The following MAIP1 variants were observed in gnomAD, a reference collection of about 807,000 sequenced individuals.
The protein encoded by MAIP1 is matrix AAA peptidase interacting protein 1.
MAIP1 carries 28 observed loss-of-function variants against 31.2 expected under a neutral mutation model. That is an observed-to-expected ratio of 0.90 (90% confidence interval 0.67 to 1.23). The LOEUF (loss-of-function observed/expected upper bound fraction) is 1.23, where lower values mean the gene tolerates loss of function less well. Ranked by LOEUF, MAIP1 falls within the 50% of genes most tolerant of loss-of-function variation. The probability of loss-of-function intolerance (pLI) is 0.00; values close to 1 mark genes in which losing one functional copy is unlikely to be tolerated. For missense variants in MAIP1, 339 were observed against 356.0 expected (o/e 0.95, Z 0.38); for synonymous variants, 142 against 142.3 (o/e 1.00, Z 0.02).
chr2:199,956,014 G>T lies in MAIP1; in HGVS notation c.216G>T (p.Arg72=). ...CGGCGCTACCTGCCCAGGGCTCCCGGTGGCCAGTGCTCAGCAGCCCGGGAC... is the reference window on the plus strand; with the variant it reads ...CGGCGCTACCTGCCCAGGGCTCCCGTTGGCCAGTGCTCAGCAGCCCGGGAC... ...AASALPAQGS[R]WPVLSSPGLP... is the part of the protein sequence containing the mutation. The change falls in exon 1 of 5, where the codon CGG becomes CGT. Residue 72 remains arginine, a synonymous_variant. Coordinates refer to ENST00000392290, the MANE Select transcript of MAIP1 (RefSeq NM_001394955.1). 1 of 1,610,294 alleles carries T rather than the reference G, an allele frequency of 6.2e-7. No homozygotes were observed. The highest frequency in any genetic ancestry group is 8.5e-7 in the Non-Finnish European group (1 of 1,178,240).
rs1354637267 is a variant in MAIP1 at position 199,955,751 on chromosome 2, T to A, written c.-48T>A. The A allele has an allele frequency of 1.3e-6, 2 of 1,491,210 alleles. No homozygotes were observed. The highest frequency in any genetic ancestry group is 2.3e-5 in the Admixed American group (1 of 43,884). The allele number at this position is 1,491,210 out of a possible 1,614,324, so 92.4% of individuals were successfully genotyped here. ...ACCGCTGAGGCGGTTTCCCACCGAC[T>A]TCCTTTCCATACAGCACCGGCAGGC... On this transcript the variant is annotated 5_prime_UTR_variant, in exon 1 of 5. Transcript: ENST00000392290.
chr2:199,955,510 C>T (rs759075149), upstream of MAIP1: 3 of 1,605,806 alleles, frequency 1.9e-6, no homozygotes, highest in Non-Finnish European at 1.7e-6. Flanking sequence ...TTCGGAACTT[C>T]GGCTCTAAAG....
chr2:199,958,045 G>T lies in MAIP1; in HGVS notation c.451-1223G>T, dbSNP rs141873250. On this transcript the variant is annotated intron_variant, in intron 1 of 4. Transcript: ENST00000392290. ...GTTAGCTATTTTCACCTCCTTCCTT[G>T]CTATTAAGCAGTATTTCCACCCCAT... is the stretch of plus-strand genomic sequence containing the variant. Among the ~76,000 whole-genome samples, 4 of 152,250 alleles carry T rather than the reference G, an allele frequency of 2.6e-5. No individual in the cohort carries two copies. In the East Asian group the frequency reaches 7.7e-4, roughly 29 times the overall value.
chr2:199,963,589 T>A, intron 4 of MAIP1, 144 bp from the exon 5 acceptor site: 2 of 462,034 alleles, frequency 4.3e-6, no homozygotes, highest in Non-Finnish European at 7.7e-6. Context: ...TAGGTTAAAC[T>A]TTTTTTTGTT....
In MAIP1 at chr2:199,955,657, G is replaced by A. The variant is rs948395118; in HGVS notation, c.-142G>A. 2 of 1,114,980 alleles carry A rather than the reference G, an allele frequency of 1.8e-6. No homozygotes were observed. The highest frequency in any genetic ancestry group is 2.5e-6 in the Non-Finnish European group (2 of 801,650). The allele number at this position is 1,114,980 out of a possible 1,614,324, so 69.1% of individuals were successfully genotyped here. On this transcript the variant is annotated 5_prime_UTR_variant, in exon 1 of 5. Transcript: ENST00000392290. ...CGGCCTGGGCTGCGTGCTGGAGAGC[G>A]GGGACGGGGCCGACTCACCAGAGGC...
At chr2:199,963,235 T>G (rs1418263006) in intron 4 of MAIP1, among the ~76,000 whole-genome samples, 1 of 152,174 alleles carries the variant, frequency 6.6e-6, no homozygotes, top group Non-Finnish European at 1.5e-5. Flanking sequence ...TTCATAAACA[T>G]TGTTATTTTC....
intron 1 of MAIP1, among the ~76,000 whole-genome samples, chr2:199,957,348 C>A (rs572715764): frequency 6.6e-6 from 1 of 152,182 alleles, no homozygotes; most frequent in Admixed American, 6.5e-5. Flanking sequence ...ACCAAGATTG[C>A]GCCACTGCAC....
chr2:199,958,677 TCA>T (rs1417255613), intron 1 of MAIP1, among the ~76,000 whole-genome samples: 1 of 152,206 alleles, frequency 6.6e-6, no homozygotes, highest in Admixed American at 6.5e-5. Flanking sequence ...GGATCTTAAC[TCA>T]CAGTTTGCTT....
At position 199,959,636 on chromosome 2, in the gene MAIP1, A is replaced by G. The variant is rs1444236879; in HGVS notation, c.523-118A>G. The G allele has an allele frequency of 6.4e-5, 53 of 828,206 alleles. No individual in the cohort carries two copies. The East Asian group carries it at 9.0e-4, about 14-fold the overall frequency. The allele number at this position is 828,206 out of a possible 1,614,324, so 51.3% of individuals were successfully genotyped here. ...TCAGCCTTGCTTTTGAGGATGAGTA[A>G]ATACGGTAGTAAATTTAAAAATAGG... On this transcript the variant is annotated intron_variant, in intron 2 of 4. Coordinates refer to ENST00000392290, the MANE Select transcript of MAIP1 (RefSeq NM_001394955.1).
chr2:199,959,944 A>G lies in MAIP1; in HGVS notation c.649+64A>G, dbSNP rs1213610442. 6.2e-6 allele frequency: 9 copies of G among 1,453,378 alleles called. No homozygotes were observed. The East Asian group carries it at 2.1e-4, about 33-fold the overall frequency. The allele number at this position is 1,453,378 out of a possible 1,614,324, so 90.0% of individuals were successfully genotyped here. A position where few individuals can be genotyped will look rare whatever the true frequency, so the allele number is the denominator to read the frequency against. The stretch of plus-strand genomic sequence containing the variant: ...TTGTCCAGATAAGCTAAACTAGTGG[A>G]TAATCACAAAATAGTAGAGTTTTGT... On this transcript the variant is annotated intron_variant, in intron 3 of 4. Coordinates refer to ENST00000392290, the MANE Select transcript of MAIP1 (RefSeq NM_001394955.1).
chr2:199,958,857 C>T (rs945235250), intron 1 of MAIP1, among the ~76,000 whole-genome samples: 4 of 152,206 alleles, frequency 2.6e-5, no homozygotes, highest in Non-Finnish European at 5.9e-5. Flanking sequence ...CAGACTACAG[C>T]CCAGATTTCC....
intron 4 of MAIP1, among the ~76,000 whole-genome samples, chr2:199,963,142 T>G (rs2077645158): frequency 6.6e-6 from 1 of 152,152 alleles, no homozygotes; most frequent in Non-Finnish European, 1.5e-5. Flanking sequence ...CTGAATTGCC[T>G]GTTAAGAAAT....
chr2:199,955,818 T>A lies in MAIP1; in HGVS notation c.20T>A (p.Leu7Ter). MALAARLLPQFLHSRSL... is the reference protein window; with the variant it reads MALAAR ...ATAAAAATGGCGCTGGCCGCTCGTT[T>A]GCTACCCCAGTTCCTGCACTCTCGG... The change falls in exon 1 of 5, where the codon TTG (leucine) becomes TAG (stop). Residue 7 changes from leucine to a stop codon, truncating the protein, a stop_gained. Coordinates refer to ENST00000392290, the MANE Select transcript of MAIP1 (RefSeq NM_001394955.1). LOFTEE classifies it high-confidence loss of function. 1 of 1,516,370 alleles carries A rather than the reference T, an allele frequency of 6.6e-7. No homozygotes were observed. The highest frequency in any genetic ancestry group is 8.8e-7 in the Non-Finnish European group (1 of 1,133,890). The allele number at this position is 1,516,370 out of a possible 1,614,324, so 93.9% of individuals were successfully genotyped here. A position where few individuals can be genotyped will look rare whatever the true frequency, so the allele number is the denominator to read the frequency against.
At chr2:199,958,340 A>G (rs76518299) in intron 1 of MAIP1, among the ~76,000 whole-genome samples, 2 of 152,062 alleles carry the variant, frequency 1.3e-5, no homozygotes, top group Non-Finnish European at 2.9e-5. Context: ...TTAAGGCTTT[A>G]TCTCCAAATA....
chr2:199,959,712 A>G (rs1574820563), intron 2 of MAIP1, 42 bp from the exon 3 acceptor site: 6 of 1,558,412 alleles, frequency 3.9e-6, no homozygotes, highest in African/African-American at 1.4e-5. Flanking sequence ...AGTTTTCAAA[A>G]ATTGTATCAG....
At chr2:199,961,273 G>A (rs2077635084) in intron 3 of MAIP1, among the ~76,000 whole-genome samples, 1 of 151,962 alleles carries the variant, frequency 6.6e-6, no homozygotes, top group Non-Finnish European at 1.5e-5. Flanking sequence ...GACCAGCCTG[G>A]GCAACATGGC....
rs1226374105 is a variant in MAIP1 at position 199,956,044 on chromosome 2, C to T, written c.246C>T (p.Pro82=). The T allele has an allele frequency of 5.6e-6, 9 of 1,610,226 alleles. No individual in the cohort carries two copies. In the South Asian group the frequency reaches 6.6e-5, roughly 12 times the overall value. Residue 82 remains proline (P), a synonymous_variant, in exon 1 of 5, where the codon CCC becomes CCT. Coordinates refer to ENST00000392290, the MANE Select transcript of MAIP1 (RefSeq NM_001394955.1). The part of the protein sequence containing the change: ...RWPVLSSPGL[P]AAFASFPACP... ...CAGTGCTCAGCAGCCCGGGACTCCC[C>T]GCAGCCTTCGCTTCTTTCCCTGCCT...
At position 199,959,321 on chromosome 2, in the gene MAIP1, A is replaced by G; in HGVS notation, c.504A>G (p.Glu168=). 1 of 1,591,874 alleles carries G rather than the reference A, an allele frequency of 6.3e-7. No individual in the cohort carries two copies. The highest frequency in any genetic ancestry group is 8.6e-7 in the Non-Finnish European group (1 of 1,160,058). The change falls in exon 2 of 5, where the codon GAA becomes GAG. Residue 168 remains glutamate, a synonymous_variant. Transcript: ENST00000392290. ...CACAGTGTAAATTTGATCTGTTGGA[A>G]GAACTTGTGGCCAAAGAGGTAAAGT... ...LLSQCKFDLL[E]ELVAKEVLHA...
Position 199,961,765 on chromosome 2 carries a change from A to G in MAIP1, c.650-16A>G, listed in dbSNP as rs781276532. On this transcript the variant is annotated splice_polypyrimidine_tract_variant and intron_variant, in intron 3 of 4. Coordinates refer to ENST00000392290, the MANE Select transcript of MAIP1 (RefSeq NM_001394955.1). The stretch of plus-strand genomic sequence containing the variant: ...TTGATTTGTATTCGTATGTGTGTAT[A>G]TGTTTTTTCTCTAAGGAAGGAAGTT... 10 of 1,603,234 alleles carry G rather than the reference A, an allele frequency of 6.2e-6. No homozygotes were observed. In the South Asian group the frequency reaches 1.1e-4, roughly 18 times the overall value.
Sources: allele counts gnomAD v4.1 joint callset (sites outside exome capture counted in the v4.1 genomes callset), GRCh38; gene constraint gnomAD v4.1.1; transcripts MANE v1.5; gene names NCBI Gene and HGNC (gene_info 2026-07-23, HGNC 2026-07-21).